GDPD4: variants seen among roughly 807,000 people sequenced by gnomAD.
GDPD4 encodes the protein glycerophosphodiester phosphodiesterase domain containing 4, also known as glycerophosphodiester phosphodiesterase 6.
GDPD4 carries 60 observed loss-of-function variants against 67.8 expected under a neutral mutation model. The ratio of observed to expected loss-of-function variants is 0.88; its 90% confidence interval spans 0.72 to 1.10. GDPD4 has a LOEUF of 1.10. Ranked by LOEUF, GDPD4 falls within the 50% of genes least tolerant of loss-of-function variation. The pLI is 0.00. For missense variants in GDPD4, 623 were observed against 613.9 expected (o/e 1.01, Z -0.16); for synonymous variants, 212 against 210.9 (o/e 1.00, Z -0.04).
rs1305577221 is a variant in GDPD4, at chr11:77,268,515, A to G, written c.649T>C (p.Ser217Pro). Residue 217 changes from serine (S) to proline (P), a missense_variant, in exon 10 of 17, where the codon TCC (serine) becomes CCC (proline). By Grantham distance (74) the Ser-to-Pro change is moderately conservative. Transcript: ENST00000315938. ...PMLGPENTMM[S>P]FEKAVEHGAH... Reference sequence around the variant, plus strand: ...CCATGTTCAACAGCTTTCTCAAAGGACATCATGGTATTCTCAGGCCCCAAC... The same window carrying G: ...CCATGTTCAACAGCTTTCTCAAAGGGCATCATGGTATTCTCAGGCCCCAAC... 6.2e-7 allele frequency: 1 copy of G among 1,612,858 alleles called. No individual in the cohort carries two copies. The highest frequency in any genetic ancestry group is 1.3e-5 in the African/African-American group (1 of 74,774).
chr11:77,271,334 G>C lies in GDPD4; in HGVS notation c.267C>G (p.Phe89Leu), dbSNP rs753023022. 1.9e-6 allele frequency: 3 copies of C among 1,613,798 alleles called. No homozygotes were observed. In the South Asian group the frequency reaches 3.3e-5, roughly 18 times the overall value. Reference protein sequence around the residue: ...CVILMFIICKFWKERWLVAGL... With the variant: ...CVILMFIICKLWKERWLVAGL... ...CAGCTACCAGCCACCTTTCTTTCCA[G>C]AATTTGCATATAATGAACATTAAAA... Residue 89 changes from phenylalanine to leucine, a missense_variant, in exon 6 of 17, where the codon TTC (phenylalanine) becomes TTG (leucine). Transcript: ENST00000315938.
chr11:77,241,630 C>A (rs1379170976), intron 13 of GDPD4, among the ~76,000 whole-genome samples: 1 of 113,272 alleles, frequency 8.8e-6, no homozygotes, highest in East Asian at 2.5e-4. Flanking sequence ...AAAACAAGAC[C>A]CTGTCTTTAA....
chr11:77,224,304 T>G (rs987981386), intron 16 of GDPD4: 2 of 152,454 alleles, frequency 1.3e-5, no homozygotes, highest in African/African-American at 4.8e-5. Context: ...AGACCGGAGC[T>G]GTTTCTATTC....
chr11:77,271,498 G>A lies in GDPD4; in HGVS notation c.208-105C>T. ...CTTCACAATGTCAGGGACCTTATCT[G>A]CTTCCTCATTCTTTTACCATAATAA... On this transcript the variant is annotated intron_variant, in intron 5 of 16. Coordinates refer to ENST00000315938, the MANE Select transcript of GDPD4 (RefSeq NM_182833.3). 1.2e-5 allele frequency: 8 copies of A among 675,392 alleles called. No individual in the cohort carries two copies. The South Asian group carries it at 1.3e-4, about 11-fold the overall frequency. 41.8% of individuals were successfully genotyped at this position (675,392 alleles called of 1,614,324 possible).
intron 11 of GDPD4, among the ~76,000 whole-genome samples, chr11:77,250,206 C>G (rs1389099331): frequency 6.6e-6 from 1 of 152,096 alleles, no homozygotes; most frequent in East Asian, 1.9e-4. Context: ...AGGTACTAAG[C>G]TCAGTACCTA....
intron 12 of GDPD4, among the ~76,000 whole-genome samples, chr11:77,245,077 T>G (rs1172115079): frequency 5.9e-5 from 9 of 152,168 alleles, no homozygotes; most frequent in Admixed American, 3.9e-4. Context: ...GCCTCAATGA[T>G]TTTCCCCACT....
chr11:77,285,590 G>A (rs1959961179), intron 2 of GDPD4, among the ~76,000 whole-genome samples: 1 of 152,134 alleles, frequency 6.6e-6, no homozygotes, highest in South Asian at 2.1e-4. Flanking sequence ...GGTTCATTTA[G>A]TCATCAATCT....
intron 3 of GDPD4, among the ~76,000 whole-genome samples, chr11:77,283,068 T>C (rs982725485): frequency 3.9e-5 from 6 of 152,194 alleles, no homozygotes; most frequent in African/African-American, 1.4e-4. Context: ...TACTGAGACT[T>C]GTGCCTGATT....
In GDPD4 at chr11:77,245,355, T is replaced by C; in HGVS notation, c.1012A>G (p.Lys338Glu). The C allele has an allele frequency of 6.2e-7, 1 of 1,614,166 alleles. No homozygotes were observed. Among genetic ancestry groups the C allele is most frequent in the Non-Finnish European group, 8.5e-7 (1 of 1,180,026 alleles). Residue 338 changes from lysine (K) to glutamate (E), a missense_variant, in exon 12 of 17, where the codon AAA becomes GAA. Transcript: ENST00000315938. ...ACAAATGTGTGTCTGAGAGGATGTT[T>C]TGGTGGAGGGCGATGAAGATCAAAT... ...VIFDLHRPPP[K>E]HPLRHTFVRQ...
chr11:77,296,413 C>T (rs369729602), intron 1 of GDPD4, among the ~76,000 whole-genome samples: 2 of 150,670 alleles, frequency 1.3e-5, no homozygotes, highest in Non-Finnish European at 3.0e-5. Flanking sequence ...CTCCACCTCC[C>T]GGGTTCAAGC....
At chr11:77,279,256 T>A (rs1199911083) in intron 4 of GDPD4, 50 bp downstream of exon 4, 1 of 1,181,156 alleles carries the variant, frequency 8.5e-7, no homozygotes, top group Admixed American at 1.7e-5. Flanking sequence ...CAGGAACACC[T>A]CATCAGGCTA....
chr11:77,244,428 C>T (rs1158930979), intron 12 of GDPD4, among the ~76,000 whole-genome samples: 2 of 152,238 alleles, frequency 1.3e-5, no homozygotes, highest in East Asian at 3.9e-4. Context: ...TACCAGTTAA[C>T]ATCAAGTGTC....
At chr11:77,281,573 T>C (rs76976799) in intron 3 of GDPD4, among the ~76,000 whole-genome samples, 1,580 of 152,280 alleles carry the variant, frequency 0.01, 30 homozygotes, top group African/African-American at 0.037. Flanking sequence ...AAGATCTAAA[T>C]AAGGAAGGAA....
chr11:77,295,953 T>G (rs955453630), intron 1 of GDPD4, among the ~76,000 whole-genome samples: 1 of 152,038 alleles, frequency 6.6e-6, no homozygotes, highest in African/African-American at 2.4e-5. Context: ...AAATTTTATC[T>G]TAATTAGAAA....
chr11:77,216,759 T>C lies in GDPD4; in HGVS notation c.*518A>G. On this transcript the variant is annotated 3_prime_UTR_variant, in exon 17 of 17. Coordinates refer to ENST00000315938, the MANE Select transcript of GDPD4 (RefSeq NM_182833.3). The stretch of plus-strand genomic sequence containing the variant: ...TGAGAGCCTCCGTGGCCCTTCTGTG[T>C]GCCTTTATCAACCACTCCCCACCAT... The C allele has an allele frequency of 3.3e-6, 2 of 600,160 alleles. No homozygotes were observed. The highest frequency in any genetic ancestry group is 5.9e-6 in the Non-Finnish European group (2 of 338,552). The allele number at this position is 600,160 out of a possible 1,614,324, so 37.2% of individuals were successfully genotyped here.
intron 5 of GDPD4, among the ~76,000 whole-genome samples, chr11:77,272,791 T>A (rs572703293): frequency 5.0e-4 from 75 of 149,024 alleles, no homozygotes; most frequent in South Asian, 3.4e-3. Context: ...AAAAAAAAAA[T>A]TTTTTTTTGA....
chr11:77,296,025 G>A (rs1937943244), intron 1 of GDPD4, among the ~76,000 whole-genome samples: 1 of 151,990 alleles, frequency 6.6e-6, no homozygotes, highest in South Asian at 2.1e-4. Flanking sequence ...GCCGAGGCGG[G>A]CAGATCACGA....
At position 77,217,069 on chromosome 11, in the gene GDPD4, C is replaced by CATCGGTGGTT; in HGVS notation, c.*198_*207dup. On this transcript the variant is annotated 3_prime_UTR_variant, in exon 17 of 17. Transcript: ENST00000315938. Reference sequence around the variant, plus strand: ...GGGTGAGTTCAAAGACCACGGTGGGCATCGGTGGTTGAATCTCATGCTTGC... The same window carrying CATCGGTGGTT: ...GGGTGAGTTCAAAGACCACGGTGGGCATCGGTGGTTATCGGTGGTTGAATCTCATGCTTGC... The CATCGGTGGTT allele has an allele frequency of 1.4e-6, 1 of 704,832 alleles. No individual in the cohort carries two copies. The highest frequency in any genetic ancestry group is 1.5e-5 in the South Asian group (1 of 67,626). The allele number at this position is 704,832 out of a possible 1,614,324, so 43.7% of individuals were successfully genotyped here.
intron 11 of GDPD4, among the ~76,000 whole-genome samples, chr11:77,245,982 C>A (rs537228820): frequency 2.6e-5 from 4 of 152,270 alleles, no homozygotes; most frequent in African/African-American, 9.6e-5. Flanking sequence ...TGAAGCTTTC[C>A]TTTAATCTTC....
Sources: gnomAD v4.1 joint callset for allele counts (sites outside exome capture counted in the v4.1 genomes callset) on GRCh38, gnomAD v4.1.1 for gene constraint, MANE v1.5 for transcripts, NCBI Gene and HGNC (gene_info 2026-07-23, HGNC 2026-07-21) for gene names.